Variants in MED14 observed in about 807,000 individuals in gnomAD.
MED14 encodes mediator of RNA polymerase II transcription subunit 14.
Under a neutral mutation model 109.0 loss-of-function variants are expected in MED14, and 8 were observed. The ratio of observed to expected loss-of-function variants is 0.07; its 90% CI spans 0.04 to 0.13. The LOEUF is 0.13. Among genes scored for constraint, MED14 ranks in the 10% least tolerant of loss-of-function variants. The pLI is 1.00. For synonymous variants in MED14, 399 were observed against 408.7 expected, an observed-to-expected ratio of 0.98 and a Z score of 0.29; for missense variants, 711 against 1,142.4, an observed-to-expected ratio of 0.62 and a Z score of 5.44.
chrX:40,677,805 C>T (rs1181949678), intron 21 of MED14, among the ~76,000 whole-genome samples: 1 of 111,118 alleles, frequency 9.0e-6, no homozygotes, highest in Non-Finnish European at 1.9e-5. Flanking sequence ...GGAAATTTCC[C>T]AAAGCAAAAG....
chrX:40,721,346 T>G (rs1453812415), intron 3 of MED14, among the ~76,000 whole-genome samples: 1 of 111,685 alleles, frequency 9.0e-6, no homozygotes, highest in Non-Finnish European at 1.9e-5. Context: ...TGAGCATCAG[T>G]GGTGGCCTTG....
intron 3 of MED14, among the ~76,000 whole-genome samples, chrX:40,722,421 A>G (rs1931753420): frequency 9.0e-6 from 1 of 111,731 alleles, no homozygotes; most frequent in Non-Finnish European, 1.9e-5. Flanking sequence ...CAGTCAGAAG[A>G]GACAAAAGAC....
In MED14 at chrX:40,649,430, T is replaced by C. The variant is rs2146598435; in HGVS notation, c.*2376A>G. ...CATTCTGAAATGGCATTTCAGCAGA[T>C]GGAAAAATGAAGGTGGCAAATCAGG... On this transcript the variant is annotated 3_prime_UTR_variant, in exon 31 of 31. Coordinates refer to ENST00000324817, the MANE Select transcript of MED14 (RefSeq NM_004229.4). 1 of 198,990 alleles carries C rather than the reference T, an allele frequency of 5.0e-6. No individual in the cohort carries two copies. The highest frequency in any genetic ancestry group is 8.7e-6 in the Non-Finnish European group (1 of 114,658). 16.4% of individuals were successfully genotyped at this position (198,990 alleles called of 1,213,427 possible).
chrX:40,696,509 A>C (rs756320198), intron 13 of MED14, among the ~76,000 whole-genome samples: 12 of 111,008 alleles, frequency 1.1e-4, no homozygotes, highest in Non-Finnish European at 1.9e-4. Flanking sequence ...ATTTTAACTA[A>C]TTCAAAAATA....
chrX:40,656,307 C>T (rs1436007502), intron 28 of MED14, among the ~76,000 whole-genome samples: 6 of 111,459 alleles, frequency 5.4e-5, no homozygotes, highest in African/African-American at 2.0e-4. Context: ...AAATGAAAAA[C>T]GCGGAAAAAA....
Position 40,651,767 on chromosome X carries a change from T to A in MED14, c.*39A>T. On this transcript the variant is annotated 3_prime_UTR_variant, in exon 31 of 31. Transcript: ENST00000324817. ...GGCTGAATTCAGATTTTTTTTGTTG[T>A]CTCATCTGTCAGCCTTCCTGGTTTA... 1.8e-6 allele frequency: 2 copies of A among 1,139,074 alleles called. No homozygotes were observed. The highest frequency in any genetic ancestry group is 2.3e-6 in the Non-Finnish European group (2 of 864,362). The allele number at this position is 1,139,074 out of a possible 1,213,427, so 93.9% of individuals were successfully genotyped here.
chrX:40,680,176 A>G, intron 20 of MED14, 43 bp from the exon 21 acceptor site: 3 of 1,170,091 alleles, frequency 2.6e-6, no homozygotes, highest in Non-Finnish European at 2.3e-6. Context: ...TTTCTGTACA[A>G]ATGTTAAAAC....
intron 22 of MED14, among the ~76,000 whole-genome samples, chrX:40,672,775 ATTCT>A (rs2146640221): frequency 9.2e-6 from 1 of 108,263 alleles, no homozygotes; most frequent in South Asian, 3.8e-4. Flanking sequence ...TTTTTTATTG[ATTCT>A]TTCTAAGCTA....
chrX:40,674,593 G>A (rs1218241444), intron 22 of MED14, among the ~76,000 whole-genome samples: 2 of 111,839 alleles, frequency 1.8e-5, no homozygotes, highest in African/African-American at 6.5e-5. Flanking sequence ...TGAAGACTCC[G>A]GCCCAGAGTC....
intron 3 of MED14, among the ~76,000 whole-genome samples, chrX:40,723,403 C>T (rs994272226): frequency 5.4e-5 from 6 of 111,096 alleles, no homozygotes; most frequent in Non-Finnish European, 9.4e-5. Context: ...CGGTGGCTCA[C>T]GCCTGTAATC....
chrX:40,718,886 T>C (rs1011298338), intron 3 of MED14, among the ~76,000 whole-genome samples: 1 of 111,628 alleles, frequency 9.0e-6, no homozygotes, highest in African/African-American at 3.3e-5. Flanking sequence ...AGTAACTGAT[T>C]AGTGAATCCA....
chrX:40,651,190 G>A lies in MED14; in HGVS notation c.*616C>T. The stretch of plus-strand genomic sequence containing the variant: ...CATGTATTATTATAAATTAATAACT[G>A]GCTCCATCCACCAGGTTAAAGATGA... On this transcript the variant is annotated 3_prime_UTR_variant, in exon 31 of 31. Coordinates refer to ENST00000324817, the MANE Select transcript of MED14 (RefSeq NM_004229.4). 1 of 750,218 alleles carries A rather than the reference G, an allele frequency of 1.3e-6. No individual in the cohort carries two copies. The highest frequency in any genetic ancestry group is 6.8e-5 in the South Asian group (1 of 14,747). The allele number at this position is 750,218 out of a possible 1,213,427, so 61.8% of individuals were successfully genotyped here. A position where few individuals can be genotyped will look rare whatever the true frequency, so the allele number is the denominator to read the frequency against.
intron 12 of MED14, among the ~76,000 whole-genome samples, chrX:40,700,113 C>T (rs1404505572): frequency 9.1e-6 from 1 of 110,108 alleles, no homozygotes; most frequent in African/African-American, 3.3e-5. Context: ...GACGCCACTG[C>T]ACTCCAGCCC....
chrX:40,679,271 C>T (rs1332532060), intron 21 of MED14, among the ~76,000 whole-genome samples: 2 of 111,944 alleles, frequency 1.8e-5, no homozygotes, highest in Admixed American at 9.5e-5. Context: ...CTTTGGGAGG[C>T]TGAGGCAGGT....
intron 21 of MED14, among the ~76,000 whole-genome samples, chrX:40,679,014 T>C (rs1930015677): frequency 9.0e-6 from 1 of 111,153 alleles, no homozygotes. Context: ...CAAGAGTGGG[T>C]TGCAGGAGAC....
In MED14 at chrX:40,682,642, A is replaced by C; in HGVS notation, c.2326T>G (p.Leu776Val). Residue 776 changes from leucine (L) to valine (V), a missense_variant, in exon 18 of 31, where the codon TTA becomes GTA. Around this residue, in one of 8 missense-constraint regions of MED14, gnomAD observed 388 missense variants for 517.3 expected, o/e 0.75. Coordinates refer to ENST00000324817, the MANE Select transcript of MED14 (RefSeq NM_004229.4). ...FLNDWNSIAR[L>V]YECVLEFARS... The stretch of plus-strand genomic sequence containing the variant: ...GCAAATTCCAACACACACTCATATA[A>C]TCGTGCAATGCTATTCCAGTCATTA... 5 of 1,193,784 alleles carry C rather than the reference A, an allele frequency of 4.2e-6. No individual in the cohort carries two copies. The highest frequency in any genetic ancestry group is 5.6e-6 in the Non-Finnish European group (5 of 885,414).
intron 22 of MED14, 85 bp from the exon 23 acceptor site, chrX:40,672,057 G>T: frequency 2.0e-6 from 1 of 501,997 alleles, no homozygotes; most frequent in Non-Finnish European, 3.3e-6. Context: ...TAGCTACAGT[G>T]TTAATATTTA....
intron 17 of MED14, 36 bp downstream of exon 17, chrX:40,682,800 G>T (rs1602461935): frequency 8.3e-7 from 1 of 1,208,067 alleles, no homozygotes; most frequent in East Asian, 3.0e-5. Flanking sequence ...AAAAAATCCA[G>T]AAATATGCAA....
chrX:40,683,861 A>G (rs1930210767), intron 16 of MED14, among the ~76,000 whole-genome samples: 1 of 112,267 alleles, frequency 8.9e-6, no homozygotes, highest in Non-Finnish European at 1.9e-5. Flanking sequence ...TACAAGAGGA[A>G]TGTAGTAGCT....
Sources: gnomAD v4.1 joint callset for allele counts (sites outside exome capture counted in the v4.1 genomes callset) on GRCh38, gnomAD v4.1.1 for gene constraint, gnomAD v4.1.1 regional missense constraint, MANE v1.5 for transcripts, NCBI Gene and HGNC (gene_info 2026-07-23, HGNC 2026-07-21) for gene names.